The following IARS1 variants were observed in gnomAD, a reference collection of about 807,000 sequenced individuals.
The protein encoded by IARS1 is isoleucyl-tRNA synthetase 1, also known as isoleucine--tRNA ligase, cytoplasmic.
IARS1 carries 124 observed loss-of-function variants against 168.2 expected under a neutral mutation model. The ratio of observed to expected loss-of-function variants is 0.74; its 90% CI spans 0.64 to 0.86. IARS1 has a LOEUF of 0.86. Ranked by LOEUF, IARS1 falls within the 40% of genes least tolerant of loss-of-function variation. The pLI, the probability that IARS1 is intolerant of heterozygous loss-of-function variation, is 0.00. For missense variants in IARS1, 1,452 were observed against 1,515.8 expected (o/e 0.96, Z 0.70); for synonymous variants, 532 against 529.4 (o/e 1.00, Z -0.07).
chr9:92,272,699 A>T (rs190563604), intron 10 of IARS1, among the ~76,000 whole-genome samples: 109 of 152,164 alleles, frequency 7.2e-4, no homozygotes, highest in Non-Finnish European at 1.2e-3. Flanking sequence ...AATTTACAAA[A>T]AATAAGCCAG....
chr9:92,241,000 C>T lies in IARS1; in HGVS notation c.3178-39G>A, dbSNP rs946022681. 5.0e-6 allele frequency: 6 copies of T among 1,210,512 alleles called. No individual in the cohort carries two copies. In the South Asian group the frequency reaches 6.1e-5, roughly 12 times the overall value. 75.0% of individuals were successfully genotyped at this position (1,210,512 alleles called of 1,614,324 possible). On this transcript the variant is annotated intron_variant, in intron 29 of 33. Transcript: ENST00000443024. ...AACGTATGACTGAGTAACTGTGGCA[C>T]CTGACTGCAATGTGCCACACCATCG...
At chr9:92,286,771 T>C (rs1294560327) in intron 4 of IARS1, among the ~76,000 whole-genome samples, 153 bp from the exon 5 acceptor site, 4 of 152,212 alleles carry the variant, frequency 2.6e-5, no homozygotes, top group Non-Finnish European at 5.9e-5. Flanking sequence ...CAACATATTA[T>C]GTAAGGTTAA....
intron 30 of IARS1, among the ~76,000 whole-genome samples, chr9:92,237,037 T>C (rs1161017219): frequency 6.6e-6 from 1 of 152,178 alleles, no homozygotes; most frequent in Non-Finnish European, 1.5e-5. Context: ...TTCTCTATCG[T>C]TTTTGTTTTC....
At chr9:92,237,194 C>T (rs780272887) in intron 30 of IARS1, among the ~76,000 whole-genome samples, 16 of 152,174 alleles carry the variant, frequency 1.1e-4, no homozygotes, top group Middle Eastern at 3.4e-3. Context: ...AACAGATTTC[C>T]GTCTCAGGAC....
At chr9:92,221,370 CAATA>C (rs1490056854) in intron 33 of IARS1, among the ~76,000 whole-genome samples, 1 of 152,044 alleles carries the variant, frequency 6.6e-6, no homozygotes, top group Non-Finnish European at 1.5e-5. Context: ...ACAGAAAGCC[CAATA>C]AATCCCAGGC....
At chr9:92,274,213 C>CA (rs901442965) in intron 10 of IARS1, among the ~76,000 whole-genome samples, 3 of 151,908 alleles carry the variant, frequency 2.0e-5, no homozygotes, top group African/African-American at 7.3e-5. Flanking sequence ...AACTGCACAC[C>CA]AAAAAGAGTT....
rs138988922 is a variant in IARS1, at chr9:92,254,314, C to T, written c.2138-861G>A. Among the ~76,000 whole-genome samples the T allele has an allele frequency of 3.6e-4, 55 of 152,290 alleles. No individual in the cohort carries two copies. In the East Asian group the frequency reaches 5.0e-3, roughly 14 times the overall value. On this transcript the variant is annotated intron_variant, in intron 20 of 33. Transcript: ENST00000443024. ...GGCTTATTTTAAGGATTCTCATTCA[C>T]CTCCCATTTAATTAATACTCTTTGT...
intron 30 of IARS1, among the ~76,000 whole-genome samples, chr9:92,236,476 C>A (rs1827546947): frequency 6.6e-6 from 1 of 152,148 alleles, no homozygotes; most frequent in Admixed American, 6.5e-5. Flanking sequence ...AAATTCATCT[C>A]CTTAATAATT....
At chr9:92,268,364 T>C in intron 13 of IARS1, 64 bp from the exon 14 acceptor site, 1 of 1,526,946 alleles carries the variant, frequency 6.5e-7, no homozygotes, top group Non-Finnish European at 9.0e-7. Context: ...ATGTAAATAA[T>C]ACCCACAGGA....
chr9:92,225,736 C>G (rs1825572521), intron 31 of IARS1, among the ~76,000 whole-genome samples: 1 of 152,088 alleles, frequency 6.6e-6, no homozygotes, highest in South Asian at 2.1e-4. Flanking sequence ...TCTGTCTGAC[C>G]TGGTTCTGGG....
At position 92,293,674 on chromosome 9, in the gene IARS1, C is replaced by T. The variant is rs549309075; in HGVS notation, c.-71G>A. 24 of 274,130 alleles carry T rather than the reference C, an allele frequency of 8.8e-5. 1 individual carries two copies. Among genetic ancestry groups the T allele is most frequent in the Admixed American group, 8.6e-4 (19 of 22,040 alleles). The allele number at this position is 274,130 out of a possible 1,614,324, so 17.0% of individuals were successfully genotyped here. On this transcript the variant is annotated 5_prime_UTR_variant, in exon 1 of 34. Transcript: ENST00000443024. ...GCAAGCCTAAAAGCAACTCATCCGG[C>T]GTCCACGCTGCAACCGGGCGCACGG...
rs1833049889 is a variant in IARS1, at chr9:92,271,658, G to C, written c.991-3C>G. 1 of 1,613,984 alleles carries C rather than the reference G, an allele frequency of 6.2e-7. No individual in the cohort carries two copies. Among genetic ancestry groups the C allele is most frequent in the Non-Finnish European group, 8.5e-7 (1 of 1,179,874 alleles). ...TCCATACAGACCCGATAGTCCTCCT[G>C]AGAAAAGGCAAAAGAGAGGGAAGAA... is the stretch of plus-strand genomic sequence containing the variant. On this transcript the variant is annotated splice_polypyrimidine_tract_variant and splice_region_variant and intron_variant, in intron 10 of 33. Coordinates refer to ENST00000443024, the MANE Select transcript of IARS1 (RefSeq NM_002161.6).
chr9:92,279,201 C>G (rs1043913281), intron 7 of IARS1, among the ~76,000 whole-genome samples: 3 of 152,134 alleles, frequency 2.0e-5, no homozygotes, highest in African/African-American at 7.2e-5. Context: ...TGAAAAACTG[C>G]TATGAATAAG....
At chr9:92,236,709 C>T (rs936154804) in intron 30 of IARS1, among the ~76,000 whole-genome samples, 4 of 152,082 alleles carry the variant, frequency 2.6e-5, no homozygotes, top group South Asian at 2.1e-4. Flanking sequence ...ATTCATCAGG[C>T]GTGGTGTGGC....
chr9:92,214,250 G>A (rs1838240231), intron 33 of IARS1, among the ~76,000 whole-genome samples: 2 of 151,812 alleles, frequency 1.3e-5, no homozygotes, highest in African/African-American at 4.8e-5. Flanking sequence ...TAAACAGAAA[G>A]ACGGAAACTC....
rs768728111 is a variant in IARS1, at chr9:92,242,213, G to T, written c.3118C>A (p.Pro1040Thr). Residue 1040 changes from proline (P) to threonine (T), a missense_variant, in exon 29 of 34, where the codon CCC becomes ACC. Transcript: ENST00000443024. Reference protein sequence around the residue: ...TEFIFTTIKAPLKPYPVSPSD... With the variant: ...TEFIFTTIKATLKPYPVSPSD... Reference sequence around the variant, plus strand: ...GGAGAAACTGGATATGGTTTCAAGGGAGCCTTTATGGTGGTAAATATGAAC... The same window carrying T: ...GGAGAAACTGGATATGGTTTCAAGGTAGCCTTTATGGTGGTAAATATGAAC... 1 of 1,613,986 alleles carries T rather than the reference G, an allele frequency of 6.2e-7. No homozygotes were observed. Among genetic ancestry groups the T allele is most frequent in the African/African-American group, 1.3e-5 (1 of 74,930 alleles).
rs1307041600 is a variant in IARS1, at chr9:92,218,760, G to T, written c.3706+3760C>A. On this transcript the variant is annotated intron_variant, in intron 33 of 33. Coordinates refer to ENST00000443024, the MANE Select transcript of IARS1 (RefSeq NM_002161.6). The stretch of plus-strand genomic sequence containing the variant: ...AGGAGAACTACAAACCACTGCTCAA[G>T]GAAATAAAAGAGGATACAAACAAAT... Among the ~76,000 whole-genome samples the T allele has an allele frequency of 7.3e-4, 102 of 140,652 alleles. No individual in the cohort carries two copies. In the East Asian group the frequency reaches 0.012, roughly 16 times the overall value. 92.3% of individuals were successfully genotyped at this position (140,652 alleles called of 152,430 possible). A position where few individuals can be genotyped will look rare whatever the true frequency, so the allele number is the denominator to read the frequency against.
rs1345362564 is a variant in IARS1 at position 92,230,792 on chromosome 9, T to C, written c.3284-1666A>G. ...CTACTTGCAATTTTAGTCATTGTGA[T>C]AGCTGTGTATTAAGACCTCAATGTG... On this transcript the variant is annotated intron_variant, in intron 30 of 33. Coordinates refer to ENST00000443024, the MANE Select transcript of IARS1 (RefSeq NM_002161.6). Among the ~76,000 whole-genome samples the C allele has an allele frequency of 2.6e-5, 4 of 152,248 alleles. No individual in the cohort carries two copies. In the South Asian group the frequency reaches 6.2e-4, roughly 24 times the overall value.
intron 33 of IARS1, among the ~76,000 whole-genome samples, chr9:92,214,572 C>T (rs1281634346): frequency 4.6e-5 from 7 of 152,142 alleles, no homozygotes; most frequent in Admixed American, 2.6e-4. Context: ...ACGCACCGTG[C>T]GCGAGCCGAA....
Sources: allele counts gnomAD v4.1 joint callset (sites outside exome capture counted in the v4.1 genomes callset), GRCh38; gene constraint gnomAD v4.1.1; transcripts MANE v1.5; gene names NCBI Gene and HGNC (gene_info 2026-07-23, HGNC 2026-07-21).